Variants in RYR3 observed in about 807,000 individuals in gnomAD.
RYR3 encodes brain ryanodine receptor-calcium release channel.
RYR3 carries 207 observed loss-of-function variants against 584.3 expected under a neutral mutation model. The observed-to-expected ratio is 0.35, with a 90% confidence interval of 0.32 to 0.40. The LOEUF is 0.40. Among genes scored for constraint, RYR3 ranks in the 10% least tolerant of loss-of-function variants. RYR3 has a pLI of 1.00. For synonymous variants in RYR3, 2,416 were observed against 2,248.5 expected (o/e 1.07, Z -2.11); for missense variants, 5,616 against 6,089.2 (o/e 0.92, Z 2.59).
chr15:33,665,605 A>C (rs1452580906), intron 36 of RYR3, among the ~76,000 whole-genome samples: 2 of 152,198 alleles, frequency 1.3e-5, no homozygotes, highest in African/African-American at 4.8e-5. Context: ...TGGGAAGGAC[A>C]AGGTTTACTC....
intron 1 of RYR3, among the ~76,000 whole-genome samples, chr15:33,387,658 C>A (rs1402952797): frequency 1.4e-5 from 1 of 70,102 alleles, no homozygotes. Flanking sequence ...GAAAAATGAC[C>A]TCACAAAAAA....
chr15:33,628,661 A>T (rs2061119862), intron 21 of RYR3, 86 bp downstream of exon 21: 1 of 837,996 alleles, frequency 1.2e-6, no homozygotes, highest in African/African-American at 1.7e-5. Context: ...CCTAGTTTTC[A>T]TTGCATTCAC....
intron 55 of RYR3, among the ~76,000 whole-genome samples, chr15:33,749,434 A>T (rs552494199): frequency 6.6e-6 from 1 of 152,334 alleles, no homozygotes; most frequent in Non-Finnish European, 1.5e-5. Context: ...CCATCAGACC[A>T]GCCCCTTGGA....
rs973265718 is a variant in RYR3, at chr15:33,402,734, C to T, written c.52-70685C>T. 1.1e-4 allele frequency among the ~76,000 whole-genome samples: 17 copies of T among 152,322 alleles called. No homozygotes were observed. In the South Asian group the frequency reaches 1.2e-3, roughly 11 times the overall value. ...AGAACTGCCCTAGGCAGAGGGGCCC[C>T]AGGACGACAATGACTCAAGGACTCA... On this transcript the variant is annotated intron_variant, in intron 1 of 103. Transcript: ENST00000634891.
In RYR3 at chr15:33,567,439, G is replaced by A. The variant is rs550899183; in HGVS notation, c.1268+640G>A. On this transcript the variant is annotated intron_variant, in intron 12 of 103. Transcript: ENST00000634891. Reference sequence around the variant, plus strand: ...GTAGGAAAATCTCTCTAAAGCCAAGGGGTATAAATTACGTGTGTGAATTTG... The same window carrying A: ...GTAGGAAAATCTCTCTAAAGCCAAGAGGTATAAATTACGTGTGTGAATTTG... Among the ~76,000 whole-genome samples the A allele has an allele frequency of 2.0e-5, 3 of 152,266 alleles. No homozygotes were observed. In the East Asian group the frequency reaches 5.8e-4, roughly 29 times the overall value.
At chr15:33,506,880 G>A (rs1347671700) in intron 3 of RYR3, among the ~76,000 whole-genome samples, 5 of 152,184 alleles carry the variant, frequency 3.3e-5, no homozygotes, top group African/African-American at 4.8e-5. Context: ...GGAAGAAAAA[G>A]AGGAAAAATA....
chr15:33,863,775 G>C (rs1488158399), intron 102 of RYR3, among the ~76,000 whole-genome samples: 2 of 152,180 alleles, frequency 1.3e-5, no homozygotes, highest in African/African-American at 4.8e-5. Context: ...ATTTTTATGA[G>C]ATGATAAATG....
At chr15:33,496,937 C>T (rs1382677734) in intron 2 of RYR3, among the ~76,000 whole-genome samples, 1 of 152,018 alleles carries the variant, frequency 6.6e-6, no homozygotes, top group Non-Finnish European at 1.5e-5. Context: ...AAAAAAATTC[C>T]TTGAAGGACA....
rs192539567 is a variant in RYR3, at chr15:33,806,026, C to T, written c.10012-1529C>T. On this transcript the variant is annotated intron_variant, in intron 69 of 103. Transcript: ENST00000634891. ...CCTTCTCTCACTCTATCTCTTGCTT[C>T]GCATTCTCAGACCGACTTACAGAAA... 3.3e-5 allele frequency among the ~76,000 whole-genome samples: 5 copies of T among 151,712 alleles called. No homozygotes were observed. In the East Asian group the frequency reaches 5.9e-4, roughly 18 times the overall value.
intron 1 of RYR3, among the ~76,000 whole-genome samples, chr15:33,316,799 A>G (rs981524498): frequency 2.0e-5 from 3 of 152,210 alleles, no homozygotes; most frequent in South Asian, 2.1e-4. Context: ...GACCTTTCTT[A>G]TCATCAGATC....
chr15:33,647,301 G>A, intron 29 of RYR3, 123 bp from the exon 30 acceptor site: 1 of 727,462 alleles, frequency 1.4e-6, no homozygotes, highest in Non-Finnish European at 2.4e-6. Flanking sequence ...AATCACTTGT[G>A]TTTAGGGAGT....
chr15:33,786,042 T>C, intron 66 of RYR3, 60 bp downstream of exon 66: 1 of 1,335,958 alleles, frequency 7.5e-7, no homozygotes, highest in Non-Finnish European at 1.0e-6. Context: ...GATTCTTTTT[T>C]CATCTCTATT....
In RYR3 at chr15:33,662,338, G is replaced by C; in HGVS notation, c.4808G>C (p.Arg1603Pro). ...IDNKYLPGLL[R>P]SGFYDLLISI... is the part of the protein sequence containing the mutation. ...AACAAGTACCTCCCCGGCCTCCTTC[G>C]ATCTGGTTTCTATGACCTGCTCATC... The change falls in exon 35 of 104, where the codon CGA (arginine) becomes CCA (proline). Residue 1603 changes from arginine to proline, a missense_variant. By Grantham distance (103) the Arg-to-Pro change is moderately radical (BLOSUM62 -2). Around this residue, in one of 9 missense-constraint regions of RYR3, gnomAD observed 753 missense variants for 741.0 expected, o/e 1.02. Coordinates refer to ENST00000634891, the MANE Select transcript of RYR3 (RefSeq NM_001036.6). 2 of 1,612,294 alleles carry C rather than the reference G, an allele frequency of 1.2e-6. No individual in the cohort carries two copies. Among genetic ancestry groups the C allele is most frequent in the Non-Finnish European group, 1.7e-6 (2 of 1,179,260 alleles).
chr15:33,688,114 G>T (rs2065146294), intron 38 of RYR3, among the ~76,000 whole-genome samples: 1 of 152,122 alleles, frequency 6.6e-6, no homozygotes, highest in Non-Finnish European at 1.5e-5. Context: ...ACTACCATCA[G>T]AGTGAACAGG....
rs113558465 is a variant in RYR3, at chr15:33,859,855, G to C, written c.14299+124G>C. On this transcript the variant is annotated intron_variant, in intron 100 of 103. Coordinates refer to ENST00000634891, the MANE Select transcript of RYR3 (RefSeq NM_001036.6). Reference sequence around the variant, plus strand: ...ATTCATTTACTTGTTAATTTAGCAAGAACTAATTTAGCATCTACTATACCT... The same window carrying C: ...ATTCATTTACTTGTTAATTTAGCAACAACTAATTTAGCATCTACTATACCT... 1.5e-3 allele frequency: 1,656 copies of C among 1,097,926 alleles called. 1 individual carries two copies. Among genetic ancestry groups the C allele is most frequent in the Non-Finnish European group, 2.0e-3 (1,524 of 778,890 alleles). 68.0% of individuals were successfully genotyped at this position (1,097,926 alleles called of 1,614,324 possible).
chr15:33,349,882 A>C (rs981082678), intron 1 of RYR3, among the ~76,000 whole-genome samples: 1 of 151,808 alleles, frequency 6.6e-6, no homozygotes, highest in African/African-American at 2.4e-5. Flanking sequence ...ACTGAGACTG[A>C]TGATTTCCAA....
At chr15:33,797,631 A>G (rs1567193034) in intron 67 of RYR3, among the ~76,000 whole-genome samples, 1 of 152,150 alleles carries the variant, frequency 6.6e-6, no homozygotes, top group African/African-American at 2.4e-5. Context: ...CTGAAACCGC[A>G]TTCTCACACG....
At chr15:33,864,532 A>G (rs556300113) in intron 103 of RYR3, among the ~76,000 whole-genome samples, 3 of 152,322 alleles carry the variant, frequency 2.0e-5, no homozygotes, top group African/African-American at 7.2e-5. Flanking sequence ...CAACGGAGTG[A>G]GAGACAGGCT....
At position 33,662,930 on chromosome 15, in the gene RYR3, C is replaced by T. The variant is rs769227599; in HGVS notation, c.5400C>T (p.Pro1800=). 5 of 1,612,298 alleles carry T rather than the reference C, an allele frequency of 3.1e-6. No individual in the cohort carries two copies. The highest frequency in any genetic ancestry group is 4.2e-6 in the Non-Finnish European group (5 of 1,179,332). Residue 1800 remains proline, a synonymous_variant, in exon 35 of 104, where the codon CCC becomes CCT. Coordinates refer to ENST00000634891, the MANE Select transcript of RYR3 (RefSeq NM_001036.6). ...PVKGLLQTRL[P]ESVKLQMCEL... Reference sequence around the variant, plus strand: ...AAGGCTTGTTGCAGACTCGATTACCCGAATCCGTCAAGCTGCAGGTAAGCT... The same window carrying T: ...AAGGCTTGTTGCAGACTCGATTACCTGAATCCGTCAAGCTGCAGGTAAGCT...
Sources: allele counts gnomAD v4.1 joint callset (sites outside exome capture counted in the v4.1 genomes callset), GRCh38; gene constraint gnomAD v4.1.1; regional missense constraint gnomAD v4.1.1; transcripts MANE v1.5; gene names NCBI Gene and HGNC (gene_info 2026-07-23, HGNC 2026-07-21).